Variants in NPC1L1 observed in about 807,000 individuals in gnomAD.
The protein encoded by NPC1L1 is NPC1-like intracellular cholesterol transporter 1.
In NPC1L1, 98 loss-of-function variants were observed where a neutral mutation model predicts 117.0. The ratio of observed to expected loss-of-function variants is 0.84; its 90% CI spans 0.71 to 0.99. The LOEUF (loss-of-function observed/expected upper bound fraction) is 0.99, where lower values mean the gene tolerates loss of function less well. Among genes scored for constraint, NPC1L1 ranks in the 50% least tolerant of loss-of-function variants. The pLI, the probability that NPC1L1 is intolerant of heterozygous loss-of-function variation, is 0.00. For missense variants in NPC1L1, 1,540 were observed against 1,710.0 expected (o/e 0.90, Z 1.75); for synonymous variants, 729 against 727.6 (o/e 1.00, Z -0.03).
chr7:44,519,054 C>A (rs537609944), intron 14 of NPC1L1, among the ~76,000 whole-genome samples: 10 of 139,884 alleles, frequency 7.1e-5, no homozygotes, highest in East Asian at 2.1e-4. Context: ...CTTTCCTTTT[C>A]TTCTCTCTTC....
In NPC1L1 at chr7:44,538,754, A is replaced by G. The variant is rs1801976064; in HGVS notation, c.1580+63T>C. 1.4e-5 allele frequency: 21 copies of G among 1,534,882 alleles called. No individual in the cohort carries two copies. The highest frequency in any genetic ancestry group is 1.6e-5 in the Non-Finnish European group (18 of 1,111,016). On this transcript the variant is annotated intron_variant, in intron 2 of 18. Transcript: ENST00000381160. This position sits in a 1 kb window ranked among gnomAD's most constrained non-coding sequence, Gnocchi z 5.9. ...CTGTATGCCCGGCCAGGTTCCCAGG[A>G]GGCCATGGCAGCCCAGCCCCAGCCC...
intron 6 of NPC1L1, 36 bp from the exon 7 acceptor site, chr7:44,533,889 T>G: frequency 3.2e-6 from 5 of 1,547,536 alleles, no homozygotes; most frequent in East Asian, 2.3e-5. Context: ...GCCAGGGCCC[T>G]CCAAGGGCAC....
At position 44,534,420 on chromosome 7, in the gene NPC1L1, G is replaced by A; in HGVS notation, c.2166+27C>T. 3 of 1,612,654 alleles carry A rather than the reference G, an allele frequency of 1.9e-6. No homozygotes were observed. The highest frequency in any genetic ancestry group is 1.7e-6 in the Non-Finnish European group (2 of 1,178,694). On this transcript the variant is annotated intron_variant, in intron 6 of 18. Transcript: ENST00000381160. The surrounding 1 kb of genome is among the most constrained non-coding windows in gnomAD (Gnocchi z 5.2). ...GGTTGGGAGAAGAGTGGGCAGTTGG[G>A]GGTGTGGAGAGCTCCTCCCTTCTTA...
At position 44,536,211 on chromosome 7, in the gene NPC1L1, C is replaced by T; in HGVS notation, c.1854+45G>A. The stretch of plus-strand genomic sequence containing the variant: ...TGGGGACACAGGAACTGACCCAAGA[C>T]CACCTGGGTTGCACCCCCAGAGCCA... On this transcript the variant is annotated intron_variant, in intron 4 of 18. Coordinates refer to ENST00000381160, the MANE Select transcript of NPC1L1 (RefSeq NM_001101648.2). This position sits in a 1 kb window ranked among gnomAD's most constrained non-coding sequence, Gnocchi z 4.7. 6.2e-7 allele frequency: 1 copy of T among 1,610,298 alleles called. No individual in the cohort carries two copies. The highest frequency in any genetic ancestry group is 1.1e-5 in the South Asian group (1 of 90,960).
chr7:44,517,318 G>A lies in NPC1L1; in HGVS notation c.3176C>T (p.Ser1059Leu). ...FMAYHKPLKNSQDYTEALRAA... is the reference protein window; with the variant it reads ...FMAYHKPLKNLQDYTEALRAA... ...CCGCAGAGCTTCTGTGTAATCCTGT[G>A]AGTTTTTCAGGGGCTTGTGATAGGC... is the stretch of plus-strand genomic sequence containing the variant. Residue 1059 changes from serine (S) to leucine (L), a missense_variant, in exon 15 of 19, where the codon TCA becomes TTA. This residue lies in a region of NPC1L1 where 742 missense variants were observed against 873.6 expected (regional missense o/e 0.85). Coordinates refer to ENST00000381160, the MANE Select transcript of NPC1L1 (RefSeq NM_001101648.2). 1 of 1,613,912 alleles carries A rather than the reference G, an allele frequency of 6.2e-7. No individual in the cohort carries two copies.
In NPC1L1 at chr7:44,513,636, G is replaced by A; in HGVS notation, c.3810C>T (p.Asn1270=). 3.7e-6 allele frequency: 6 copies of A among 1,613,036 alleles called. No homozygotes were observed. The highest frequency in any genetic ancestry group is 5.1e-6 in the Non-Finnish European group (6 of 1,180,036). ...GCTTCTGCTCCAGTGCCAGAGCCGG[G>A]TTAACGTCAGGCCCTGCGGAGAGAC... is the stretch of plus-strand genomic sequence containing the variant. ...VILSYVGPDV[N]PALALEQKRA... is the part of the protein sequence containing the mutation. The change falls in exon 19 of 19, where the codon AAC becomes AAT. Residue 1270 remains asparagine (N), a synonymous_variant. Transcript: ENST00000381160.
chr7:44,520,280 GA>G (rs879261608), intron 14 of NPC1L1, among the ~76,000 whole-genome samples: 271 of 141,870 alleles, frequency 1.9e-3, no homozygotes, highest in Middle Eastern at 3.7e-3. Context: ...ACTCCGTCTC[GA>G]AAAAAAAAAA....
rs1320487729 is a variant in NPC1L1 at position 44,539,874 on chromosome 7, C to T, written c.523G>A (p.Val175Met). The T allele has an allele frequency of 6.2e-7, 1 of 1,614,070 alleles. No homozygotes were observed. The highest frequency in any genetic ancestry group is 1.1e-5 in the South Asian group (1 of 91,090). Residue 175 changes from valine to methionine, a missense_variant, in exon 2 of 19, where the codon GTG becomes ATG. This residue lies in a region of NPC1L1 where 793 missense variants were observed against 820.4 expected (regional missense o/e 0.97). Coordinates refer to ENST00000381160, the MANE Select transcript of NPC1L1 (RefSeq NM_001101648.2). This position sits in a 1 kb window ranked among gnomAD's most constrained non-coding sequence, Gnocchi z 4.4. ...AEQSYDSCSR[V>M]RVPAAATLAV... ...AGCGTGGCAGCTGCAGGGACGCGCA[C>T]ACGGCTGCAGGAGTCATAGCTCTGC...
rs1801360267 is a variant in NPC1L1 at position 44,521,744 on chromosome 7, G to A, written c.2921C>T (p.Pro974Leu). 1 of 1,614,156 alleles carries A rather than the reference G, an allele frequency of 6.2e-7. No homozygotes were observed. Residue 974 changes from proline to leucine, a missense_variant, in exon 12 of 19, where the codon CCC (proline) becomes CTC (leucine). Transcript: ENST00000381160. ...SSCCRLYISGPNKDKFCPSTV... is the reference protein window; with the variant it reads ...SSCCRLYISGLNKDKFCPSTV... ...CGAGGGGCAGAACTTGTCCTTATTG[G>A]GGCCAGATATATAAAGGCGGCAGCA...
chr7:44,530,109 T>G (rs1801650549), intron 10 of NPC1L1, among the ~76,000 whole-genome samples: 1 of 150,824 alleles, frequency 6.6e-6, no homozygotes. Flanking sequence ...AGGCCAGGGC[T>G]GGTGGATCAC....
intron 1 of NPC1L1, 134 bp from the exon 2 acceptor site, chr7:44,540,476 G>C: frequency 1.3e-6 from 1 of 797,554 alleles, no homozygotes; most frequent in Admixed American, 2.0e-5. Context: ...TGGGGAGTAG[G>C]AAGCCTCCTG....
chr7:44,530,145 C>T (rs2117053828), intron 10 of NPC1L1, among the ~76,000 whole-genome samples: 1 of 152,156 alleles, frequency 6.6e-6, no homozygotes, highest in South Asian at 2.1e-4. Flanking sequence ...CAAGACCAGC[C>T]AGGCCAACAT....
chr7:44,530,458 A>G (rs941190575), intron 10 of NPC1L1, among the ~76,000 whole-genome samples: 1 of 152,208 alleles, frequency 6.6e-6, no homozygotes, highest in African/African-American at 2.4e-5. Context: ...TTGGAGATGG[A>G]TGGTGGTGAT....
chr7:44,526,083 T>C (rs897744853), intron 10 of NPC1L1, among the ~76,000 whole-genome samples: 3 of 152,046 alleles, frequency 2.0e-5, no homozygotes, highest in Admixed American at 2.0e-4. Context: ...GGAGAATCAC[T>C]TGAACCTGAG....
Position 44,521,914 on chromosome 7 carries a change from G to A in NPC1L1, c.2829-78C>T, listed in dbSNP as rs756184543. ...GTCCTTCTCGTGGCCCAACCCCCACGCAGCCCTCCCCAGGCATACGGCAGC... is the reference window on the plus strand; with the variant it reads ...GTCCTTCTCGTGGCCCAACCCCCACACAGCCCTCCCCAGGCATACGGCAGC... On this transcript the variant is annotated intron_variant, in intron 11 of 18. Coordinates refer to ENST00000381160, the MANE Select transcript of NPC1L1 (RefSeq NM_001101648.2). 70 of 1,606,756 alleles carry A rather than the reference G, an allele frequency of 4.4e-5. No individual in the cohort carries two copies. The Middle Eastern group carries it at 5.7e-4, about 13-fold the overall frequency.
At chr7:44,515,769 T>A (rs774071585) in intron 18 of NPC1L1, 34 bp downstream of exon 18, 5 of 1,613,700 alleles carry the variant, frequency 3.1e-6, no homozygotes, top group Non-Finnish European at 4.2e-6. Flanking sequence ...AGCATAATCA[T>A]GACAGTCTGG....
chr7:44,530,521 G>A (rs1193406756), intron 10 of NPC1L1, among the ~76,000 whole-genome samples: 5 of 152,002 alleles, frequency 3.3e-5, no homozygotes, highest in Non-Finnish European at 5.9e-5. Flanking sequence ...CTTAAAAATG[G>A]TTATAATGGT....
rs1414836352 is a variant in NPC1L1, at chr7:44,535,932, C to T, written c.1891G>A (p.Glu631Lys). The T allele has an allele frequency of 1.2e-6, 2 of 1,613,466 alleles. No homozygotes were observed. The highest frequency in any genetic ancestry group is 2.2e-5 in the East Asian group (1 of 44,882). The stretch of plus-strand genomic sequence containing the variant: ...CTGGTGGCAAAGATGGGCAGGTCTT[C>T]AGCTGTGGTGCGATTGATCTCGTCT... ...LEDEINRTTAEDLPIFATSYI... is the reference protein window; with the variant it reads ...LEDEINRTTAKDLPIFATSYI... The change falls in exon 5 of 19, where the codon GAA (glutamate) becomes AAA (lysine). Residue 631 changes from glutamate to lysine, a missense_variant. This residue lies in a region of NPC1L1 where 793 missense variants were observed against 820.4 expected (regional missense o/e 0.97). Coordinates refer to ENST00000381160, the MANE Select transcript of NPC1L1 (RefSeq NM_001101648.2).
At chr7:44,520,929 A>G in intron 13 of NPC1L1, 63 bp downstream of exon 13, 4 of 1,613,702 alleles carry the variant, frequency 2.5e-6, no homozygotes, top group Non-Finnish European at 3.4e-6. Context: ...GCCTCTCTAT[A>G]TTCAACCCCA....
Sources: gnomAD v4.1 joint callset for allele counts (sites outside exome capture counted in the v4.1 genomes callset) on GRCh38, gnomAD v4.1.1 for gene constraint, gnomAD v4.1.1 regional missense constraint, Gnocchi (gnomAD v3.1) non-coding constraint, MANE v1.5 for transcripts, NCBI Gene and HGNC (gene_info 2026-07-23, HGNC 2026-07-21) for gene names.